CDH13: variants seen among roughly 807,000 people sequenced by gnomAD.
CDH13 encodes the protein cadherin-13.
In CDH13, 24 loss-of-function variants were observed where a neutral mutation model predicts 63.8. That is an observed-to-expected ratio of 0.38 (90% CI 0.27 to 0.53). CDH13 has a LOEUF of 0.53. CDH13 is among the 20% of genes least tolerant of loss of function. The pLI, the probability that CDH13 is intolerant of heterozygous loss-of-function variation, is 0.85. For synonymous variants in CDH13, 503 were observed against 355.3 expected (o/e 1.42, Z -4.67); for missense variants, 1,049 against 903.1 (o/e 1.16, Z -2.07).
chr16:83,477,898 A>G (rs2200793), intron 6 of CDH13, among the ~76,000 whole-genome samples: 31,282 of 152,044 alleles, frequency 0.21, 3,262 homozygotes, highest in Middle Eastern at 0.28. Flanking sequence ...AAATCAAAAG[A>G]TGGCTGGACG....
At chr16:83,417,482 C>T (rs1443615831) in intron 6 of CDH13, among the ~76,000 whole-genome samples, 1 of 152,212 alleles carries the variant, frequency 6.6e-6, no homozygotes, top group Non-Finnish European at 1.5e-5. Flanking sequence ...GGTCACCGTG[C>T]TCTTGCCTTC....
At chr16:83,031,977 C>T (rs1360252130) in intron 2 of CDH13, 33 bp from the exon 3 acceptor site, 2 of 1,526,494 alleles carry the variant, frequency 1.3e-6, no homozygotes, top group Non-Finnish European at 1.8e-6. Context: ...CCAACCTACT[C>T]ATGCTCCTTC....
At chr16:83,363,062 C>G (rs945113711) in intron 6 of CDH13, among the ~76,000 whole-genome samples, 1 of 152,140 alleles carries the variant, frequency 6.6e-6, no homozygotes, top group East Asian at 1.9e-4. Context: ...CAAACATCAC[C>G]AGGAGGAAAT....
chr16:83,368,239 T>C (rs1352093590), intron 6 of CDH13, among the ~76,000 whole-genome samples: 1 of 152,254 alleles, frequency 6.6e-6, no homozygotes, highest in Non-Finnish European at 1.5e-5. Context: ...ATTCATATTC[T>C]GTTTGTTATA....
intron 5 of CDH13, among the ~76,000 whole-genome samples, chr16:83,290,382 G>A (rs1366493551): frequency 6.6e-6 from 1 of 152,046 alleles, no homozygotes; most frequent in East Asian, 1.9e-4. Flanking sequence ...TTGAATCACG[G>A]GGGGCAGGTT....
intron 5 of CDH13, 135 bp from the exon 6 acceptor site, chr16:83,344,727 C>T (rs766528510): frequency 9.5e-5 from 81 of 852,118 alleles, no homozygotes; most frequent in Non-Finnish European, 1.4e-4. Context: ...AGTGACTATC[C>T]TCTGAGACCA....
At chr16:82,633,820 T>C (rs1908322145) in intron 1 of CDH13, among the ~76,000 whole-genome samples, 1 of 152,214 alleles carries the variant, frequency 6.6e-6, no homozygotes, top group Non-Finnish European at 1.5e-5. Flanking sequence ...TCTGGCTCTG[T>C]AAATACTAGA....
At chr16:82,976,917 C>A (rs576293643) in intron 2 of CDH13, among the ~76,000 whole-genome samples, 6 of 152,128 alleles carry the variant, frequency 3.9e-5, no homozygotes, top group Non-Finnish European at 7.3e-5. Flanking sequence ...TGACAAAAGA[C>A]AATGGCTTGT....
At chr16:83,020,817 G>T (rs778413518) in intron 2 of CDH13, among the ~76,000 whole-genome samples, 7 of 152,144 alleles carry the variant, frequency 4.6e-5, no homozygotes, top group African/African-American at 1.7e-4. Flanking sequence ...GGGAAATCAC[G>T]AGACTGTCAA....
intron 1 of CDH13, among the ~76,000 whole-genome samples, chr16:82,686,467 C>T (rs1597322003): frequency 6.6e-6 from 1 of 152,134 alleles, no homozygotes; most frequent in African/African-American, 2.4e-5. Context: ...GGGAGAGGAA[C>T]TAAAGAATGC....
At chr16:83,331,923 C>CA (rs1437704640) in intron 5 of CDH13, among the ~76,000 whole-genome samples, 2 of 152,098 alleles carry the variant, frequency 1.3e-5, no homozygotes, top group Non-Finnish European at 2.9e-5. Flanking sequence ...CATGTTGCTA[C>CA]ACACATACAC....
In CDH13 at chr16:83,012,961, C is replaced by G. The variant is rs956879608; in HGVS notation, c.158-19049C>G. On this transcript the variant is annotated intron_variant, in intron 2 of 13. Coordinates refer to ENST00000567109, the MANE Select transcript of CDH13 (RefSeq NM_001257.5). The stretch of plus-strand genomic sequence containing the variant: ...TCAGGTGTTTGTGAATCATTTTCCC[C>G]ACTCTGCTGATTGTCTTTGTGGTTA... 2.0e-5 allele frequency among the ~76,000 whole-genome samples: 3 copies of G among 152,152 alleles called. No homozygotes were observed. The South Asian group carries it at 6.2e-4, about 32-fold the overall frequency.
rs1371042516 is a variant in CDH13 at position 82,821,910 on chromosome 16, G to A, written c.46-36452G>A. On this transcript the variant is annotated intron_variant, in intron 1 of 13. Coordinates refer to ENST00000567109, the MANE Select transcript of CDH13 (RefSeq NM_001257.5). ...GACCATCTATGCTTCCTAATCCTGG[G>A]GATTGCACCTCCAGTGATATAAGAA... Among the ~76,000 whole-genome samples the A allele has an allele frequency of 2.6e-5, 4 of 152,154 alleles. No homozygotes were observed. The East Asian group carries it at 7.7e-4, about 29-fold the overall frequency.
chr16:83,290,336 C>T (rs1037013704), intron 5 of CDH13, among the ~76,000 whole-genome samples: 1 of 152,270 alleles, frequency 6.6e-6, no homozygotes, highest in East Asian at 1.9e-4. Flanking sequence ...TTGTAATAAT[C>T]CCCTCGTGTC....
chr16:83,087,382 A>C (rs887084884), intron 3 of CDH13, among the ~76,000 whole-genome samples: 1 of 152,188 alleles, frequency 6.6e-6, no homozygotes, highest in Non-Finnish European at 1.5e-5. Context: ...TACAATGCTT[A>C]GCACCAGCTG....
chr16:82,891,951 G>A (rs547741802), intron 2 of CDH13, among the ~76,000 whole-genome samples: 92 of 152,278 alleles, frequency 6.0e-4, no homozygotes, highest in Middle Eastern at 6.8e-3. Context: ...ATTGTTGTTG[G>A]TCAGTATCCT....
At chr16:82,886,368 G>C (rs547637053) in intron 2 of CDH13, among the ~76,000 whole-genome samples, 3 of 152,164 alleles carry the variant, frequency 2.0e-5, no homozygotes, top group Non-Finnish European at 4.4e-5. Flanking sequence ...TTGATGGCCA[G>C]GTTTTCTGCA....
chr16:83,181,399 G>T (rs1392869293), intron 4 of CDH13, among the ~76,000 whole-genome samples: 1 of 152,160 alleles, frequency 6.6e-6, no homozygotes, highest in Non-Finnish European at 1.5e-5. Context: ...TCTAGCCTAG[G>T]TGCCCAGGTG....
chr16:83,339,330 C>A (rs776563633), intron 5 of CDH13, among the ~76,000 whole-genome samples: 9 of 152,088 alleles, frequency 5.9e-5, no homozygotes, highest in Admixed American at 2.0e-4. Context: ...TTTCTGGTTG[C>A]TCAAAAATCC....
Sources: gnomAD v4.1 joint callset for allele counts (sites outside exome capture counted in the v4.1 genomes callset) on GRCh38, gnomAD v4.1.1 for gene constraint, MANE v1.5 for transcripts, NCBI Gene and HGNC (gene_info 2026-07-23, HGNC 2026-07-21) for gene names.